The following SGCZ variants were observed in gnomAD, a reference collection of about 807,000 sequenced individuals.
The protein encoded by SGCZ is sarcoglycan zeta, also known as zeta-sarcoglycan.
SGCZ carries 40 observed loss-of-function variants against 41.3 expected under a neutral mutation model. The ratio of observed to expected loss-of-function variants is 0.97; its 90% CI spans 0.75 to 1.26. The LOEUF (loss-of-function observed/expected upper bound fraction) is 1.26, where lower values mean the gene tolerates loss of function less well. Among genes scored for constraint, SGCZ ranks in the 50% most tolerant of loss-of-function variants. SGCZ has a pLI of 0.00. For missense variants in SGCZ, 552 were observed against 369.8 expected, an observed-to-expected ratio of 1.49 and a Z score of -4.04; for synonymous variants, 206 against 137.5, an observed-to-expected ratio of 1.50 and a Z score of -3.49.
chr8:14,990,461 T>C (rs1338328689), intron 1 of SGCZ, among the ~76,000 whole-genome samples: 1 of 152,114 alleles, frequency 6.6e-6, no homozygotes, highest in African/African-American at 2.4e-5. Flanking sequence ...CTCCACCTCC[T>C]GTCCCATCAA....
intron 1 of SGCZ, among the ~76,000 whole-genome samples, chr8:14,967,869 T>A (rs1801171111): frequency 6.6e-6 from 1 of 152,164 alleles, no homozygotes; most frequent in East Asian, 1.9e-4. Flanking sequence ...GTCAGATAAC[T>A]GAGCATCCCC....
chr8:14,376,793 A>C (rs1231686916), intron 2 of SGCZ, among the ~76,000 whole-genome samples: 1 of 152,246 alleles, frequency 6.6e-6, no homozygotes, highest in Non-Finnish European at 1.5e-5. Flanking sequence ...AATTTTAGCT[A>C]GCAGAATTCA....
rs766804620 is a variant in SGCZ at position 14,090,595 on chromosome 8, T to G, written c.787A>C (p.Thr263Pro). The change falls in exon 8 of 8, where the codon ACT (threonine) becomes CCT (proline). Residue 263 changes from threonine to proline, a missense_variant. Coordinates refer to ENST00000382080, the MANE Select transcript of SGCZ (RefSeq NM_139167.4). ...AETIKLGNLP[T>P]GSFSSSSPSS... ...GGTGAAGAAGATGAGAAGGAGCCAG[T>G]TGGTAGATTTCCCAGCTTGATTGTC... 2.5e-6 allele frequency: 4 copies of G among 1,612,526 alleles called. No homozygotes were observed. The highest frequency in any genetic ancestry group is 2.7e-5 in the African/African-American group (2 of 74,818).
intron 1 of SGCZ, among the ~76,000 whole-genome samples, chr8:14,945,679 G>A (rs1030617332): frequency 6.6e-6 from 1 of 151,734 alleles, no homozygotes; most frequent in Non-Finnish European, 1.5e-5. Flanking sequence ...ATGTGGGCAG[G>A]CATCATCCAA....
At chr8:15,237,485 C>T (rs1386374998) in intron 1 of SGCZ, 100 bp downstream of exon 1, 1 of 1,413,772 alleles carries the variant, frequency 7.1e-7, no homozygotes, top group East Asian at 2.5e-5. Context: ...TCCCGCGGGA[C>T]CACCAACTAC....
chr8:14,526,334 T>C (rs1273640458), intron 2 of SGCZ, among the ~76,000 whole-genome samples: 1 of 152,128 alleles, frequency 6.6e-6, no homozygotes, highest in Non-Finnish European at 1.5e-5. Flanking sequence ...ACTATCGATG[T>C]GGCAATAGTC....
chr8:15,131,213 G>A (rs1807885809), intron 1 of SGCZ, among the ~76,000 whole-genome samples: 1 of 152,192 alleles, frequency 6.6e-6, no homozygotes, highest in African/African-American at 2.4e-5. Context: ...GGATTCTCAT[G>A]TGCTGTGGGA....
intron 1 of SGCZ, among the ~76,000 whole-genome samples, chr8:15,123,720 C>A (rs548728425): frequency 1.3e-5 from 2 of 152,234 alleles, no homozygotes; most frequent in African/African-American, 2.4e-5. Context: ...AGGCACCTAC[C>A]CTTATACTTT....
intron 1 of SGCZ, among the ~76,000 whole-genome samples, chr8:15,047,109 T>A (rs1252751106): frequency 1.3e-5 from 2 of 152,066 alleles, no homozygotes; most frequent in African/African-American, 4.8e-5. Flanking sequence ...CTGTCCCTCC[T>A]GCATCCTTAC....
intron 1 of SGCZ, among the ~76,000 whole-genome samples, chr8:14,609,608 C>T (rs561966251): frequency 6.6e-6 from 1 of 152,134 alleles, no homozygotes; most frequent in Non-Finnish European, 1.5e-5. Context: ...ATATTCAACA[C>T]TTTGAAAATC....
intron 1 of SGCZ, among the ~76,000 whole-genome samples, chr8:14,936,245 T>C (rs1800078310): frequency 6.6e-6 from 1 of 151,904 alleles, no homozygotes; most frequent in Non-Finnish European, 1.5e-5. Context: ...TGACTTACAA[T>C]GGGGTTACAT....
At chr8:14,645,485 T>TAC (rs1491248409) in intron 1 of SGCZ, among the ~76,000 whole-genome samples, 2 of 50,454 alleles carry the variant, frequency 4.0e-5, no homozygotes, top group Non-Finnish European at 6.3e-5. Flanking sequence ...TATTTATATG[T>TAC]ATATATATAT....
chr8:14,255,222 C>T (rs1276301923), intron 3 of SGCZ, among the ~76,000 whole-genome samples: 2 of 152,152 alleles, frequency 1.3e-5, no homozygotes, highest in African/African-American at 4.8e-5. Context: ...AGGAATCATT[C>T]CAGTCATAAT....
At chr8:14,344,769 C>G (rs548458706) in intron 2 of SGCZ, among the ~76,000 whole-genome samples, 111 of 151,932 alleles carry the variant, frequency 7.3e-4, no homozygotes, top group African/African-American at 2.6e-3. Context: ...TACATGAGAC[C>G]AGCTACAAAT....
chr8:15,172,148 T>C (rs1462851036), intron 1 of SGCZ, among the ~76,000 whole-genome samples: 3 of 128,538 alleles, frequency 2.3e-5, no homozygotes, highest in Admixed American at 8.8e-5. Flanking sequence ...ATGCCTTTTA[T>C]ACTCTGTTTT....
chr8:14,900,727 AT>A (rs1798944546), intron 1 of SGCZ, among the ~76,000 whole-genome samples: 1 of 152,190 alleles, frequency 6.6e-6, no homozygotes, highest in Non-Finnish European at 1.5e-5. Flanking sequence ...TCTGAAAGGT[AT>A]TTTATTATTG....
chr8:14,408,454 A>G (rs1049946488), intron 2 of SGCZ, among the ~76,000 whole-genome samples: 1 of 151,972 alleles, frequency 6.6e-6, no homozygotes, highest in African/African-American at 2.4e-5. Context: ...ATCAGTCCTA[A>G]TACGCTCCAT....
chr8:14,430,833 A>G (rs1799923565), intron 2 of SGCZ, among the ~76,000 whole-genome samples: 1 of 152,196 alleles, frequency 6.6e-6, no homozygotes, highest in South Asian at 2.1e-4. Context: ...AACTTACGTA[A>G]GAATTCAGCA....
chr8:14,911,198 A>C lies in SGCZ; in HGVS notation c.39+326387T>G, dbSNP rs557658987. Among the ~76,000 whole-genome samples the C allele has an allele frequency of 2.6e-5, 4 of 152,148 alleles. No homozygotes were observed. The East Asian group carries it at 5.8e-4, about 22-fold the overall frequency. ...ATGGCTGTGGCAGGGCTGTAATTCA[A>C]ATTGTCAAAGTAATCACCATGGTGT... On this transcript the variant is annotated intron_variant, in intron 1 of 7. Coordinates refer to ENST00000382080, the MANE Select transcript of SGCZ (RefSeq NM_139167.4).
Sources: gnomAD v4.1 joint callset for allele counts (sites outside exome capture counted in the v4.1 genomes callset) on GRCh38, gnomAD v4.1.1 for gene constraint, MANE v1.5 for transcripts, NCBI Gene and HGNC (gene_info 2026-07-23, HGNC 2026-07-21) for gene names.